The following CCNB2 variants were observed in gnomAD, a reference collection of about 807,000 sequenced individuals.
CCNB2 encodes G2/mitotic-specific cyclin-B2.
CCNB2 carries 39 observed loss-of-function variants against 51.1 expected under a neutral mutation model. The observed-to-expected ratio is 0.76, with a 90% CI of 0.59 to 1.00. The LOEUF (loss-of-function observed/expected upper bound fraction) is 1.00, where lower values mean the gene tolerates loss of function less well. CCNB2 is among the 50% of genes least tolerant of loss of function. CCNB2 has a pLI of 0.00. For synonymous variants in CCNB2, 174 were observed against 165.5 expected (o/e 1.05, Z -0.40); for missense variants, 472 against 470.3 (o/e 1.00, Z -0.03).
Position 59,105,245 on chromosome 15 carries a change from G to T in CCNB2, c.-24G>T. The T allele has an allele frequency of 6.4e-7, 1 of 1,559,674 alleles. No homozygotes were observed. ...CCGCGTCCCTCCCTGGGCCGGGCTG[G>T]CACTCTTGCCTTCCCCGTCCCTCAT... On this transcript the variant is annotated 5_prime_UTR_variant, in exon 1 of 9. Coordinates refer to ENST00000288207, the MANE Select transcript of CCNB2 (RefSeq NM_004701.4).
intron 8 of CCNB2, 63 bp downstream of exon 8, chr15:59,123,690 G>C (rs1278931888): frequency 1.3e-6 from 1 of 777,834 alleles, no homozygotes; most frequent in Non-Finnish European, 2.1e-6. Flanking sequence ...TGTGTATGTT[G>C]GGCGGGGGGG....
At chr15:59,119,460 C>CAAAAAAAA (rs370628686) in intron 7 of CCNB2, among the ~76,000 whole-genome samples, 7 of 83,914 alleles carry the variant, frequency 8.3e-5, no homozygotes, top group South Asian at 4.3e-4. Context: ...ACCCTGTCTC[C>CAAAAAAAA]AAAAAAAAAA....
chr15:59,117,587 G>C (rs773866119), intron 7 of CCNB2, among the ~76,000 whole-genome samples: 5 of 152,116 alleles, frequency 3.3e-5, no homozygotes, highest in Non-Finnish European at 5.9e-5. Context: ...TCCTACCTCA[G>C]CCTCCCGAGT....
intron 8 of CCNB2, chr15:59,124,337 C>T (rs2079316180): frequency 4.9e-6 from 1 of 205,134 alleles, no homozygotes. Flanking sequence ...GTGTTCAGTC[C>T]TGAGAGGACT....
intron 3 of CCNB2, among the ~76,000 whole-genome samples, chr15:59,110,093 T>TC (rs2079252159): frequency 6.6e-6 from 1 of 152,090 alleles, no homozygotes; most frequent in Non-Finnish European, 1.5e-5. Context: ...CTTTTTTTTT[T>TC]CTTTTTTTAA....
chr15:59,117,492 A>C, intron 7 of CCNB2, 124 bp downstream of exon 7: 3 of 1,006,220 alleles, frequency 3.0e-6, no homozygotes, highest in Non-Finnish European at 4.4e-6. Context: ...TTTTTGAGAC[A>C]GGGTCTCATT....
At chr15:59,107,510 C>T (rs374923143) in intron 2 of CCNB2, 47 bp from the exon 3 acceptor site, 3 of 1,613,428 alleles carry the variant, frequency 1.9e-6, no homozygotes, top group Admixed American at 1.7e-5. Context: ...TGCTGAGTCC[C>T]ACAACGCTGG....
At chr15:59,106,605 T>A (rs1054644710) in intron 1 of CCNB2, among the ~76,000 whole-genome samples, 1 of 152,254 alleles carries the variant, frequency 6.6e-6, no homozygotes, top group South Asian at 2.1e-4. Context: ...AAGCACATTA[T>A]GTCTAAAGCA....
At chr15:59,116,025 C>G (rs1448276574) in intron 5 of CCNB2, 3 of 152,082 alleles carry the variant, frequency 2.0e-5, no homozygotes, top group Admixed American at 1.3e-4. Context: ...AGCCACTGTG[C>G]CCATCCGTGG....
At chr15:59,107,827 T>C (rs2079242305) in intron 3 of CCNB2, among the ~76,000 whole-genome samples, 157 bp downstream of exon 3, 1 of 152,186 alleles carries the variant, frequency 6.6e-6, no homozygotes, top group African/African-American at 2.4e-5. Flanking sequence ...ATACACCTTT[T>C]AACTTAATAA....
chr15:59,105,248 C>T lies in CCNB2; in HGVS notation c.-21C>T. ...CGTCCCTCCCTGGGCCGGGCTGGCACTCTTGCCTTCCCCGTCCCTCATGGC... is the reference window on the plus strand; with the variant it reads ...CGTCCCTCCCTGGGCCGGGCTGGCATTCTTGCCTTCCCCGTCCCTCATGGC... On this transcript the variant is annotated 5_prime_UTR_variant, in exon 1 of 9. Coordinates refer to ENST00000288207, the MANE Select transcript of CCNB2 (RefSeq NM_004701.4). 1.3e-6 allele frequency: 2 copies of T among 1,562,150 alleles called. No individual in the cohort carries two copies. The highest frequency in any genetic ancestry group is 1.7e-4 in the Middle Eastern group (1 of 6,002).
At chr15:59,113,801 T>C (rs28383522) in intron 3 of CCNB2, among the ~76,000 whole-genome samples, 44,136 of 151,990 alleles carry the variant, frequency 0.29, 6,470 homozygotes, top group East Asian at 0.43. Flanking sequence ...TCTTGGCTCA[T>C]TGCAACCTCT....
intron 3 of CCNB2, 101 bp downstream of exon 3, chr15:59,107,771 C>A: frequency 1.2e-6 from 1 of 810,864 alleles, no homozygotes; most frequent in Non-Finnish European, 2.0e-6. Context: ...AACGAACATT[C>A]ATAGCTGGAG....
chr15:59,122,415 G>A (rs1209888048), intron 7 of CCNB2, among the ~76,000 whole-genome samples: 1 of 151,532 alleles, frequency 6.6e-6, no homozygotes, highest in African/African-American at 2.4e-5. Flanking sequence ...AGTAGAGATG[G>A]GGTTTCACCA....
chr15:59,123,477 C>A, intron 7 of CCNB2, 40 bp from the exon 8 acceptor site: 1 of 1,177,660 alleles, frequency 8.5e-7, no homozygotes, highest in Non-Finnish European at 1.3e-6. Context: ...TTTTCTCTTG[C>A]CCCTCAGTCA....
At position 59,113,621 on chromosome 15, in the gene CCNB2, C is replaced by T. The variant is rs889046746; in HGVS notation, c.268-823C>T. Among the ~76,000 whole-genome samples the T allele has an allele frequency of 6.6e-5, 10 of 151,990 alleles. 1 individual carries two copies. The highest frequency in any genetic ancestry group is 6.6e-4 in the Admixed American group (10 of 15,260). On this transcript the variant is annotated intron_variant, in intron 3 of 8. Coordinates refer to ENST00000288207, the MANE Select transcript of CCNB2 (RefSeq NM_004701.4). ...CTTTATGAGAAAAAACAGAATAATA[C>T]ACATATTAACTATAGAATTTTAGAA...
At position 59,117,286 on chromosome 15, in the gene CCNB2, A is replaced by G. The variant is rs752279669; in HGVS notation, c.893A>G (p.Tyr298Cys). ...KYLMELTLID[Y>C]DMVHYHPSKV... The stretch of plus-strand genomic sequence containing the variant: ...TTGATGGAGCTGACTCTCATCGACT[A>G]TGATATGGTGCATTATCATCCTTCT... The change falls in exon 7 of 9, where the codon TAT becomes TGT. Residue 298 changes from tyrosine to cysteine, a missense_variant. By Grantham distance (194) the Tyr-to-Cys change is radical. Coordinates refer to ENST00000288207, the MANE Select transcript of CCNB2 (RefSeq NM_004701.4). 2 of 1,613,768 alleles carry G rather than the reference A, an allele frequency of 1.2e-6. No homozygotes were observed. The highest frequency in any genetic ancestry group is 1.1e-5 in the South Asian group (1 of 91,056).
rs2079316120 is a variant in CCNB2, at chr15:59,124,328, T to C, written c.1087-439T>C. On this transcript the variant is annotated intron_variant, in intron 8 of 8. Transcript: ENST00000288207. ...ATTTGCTTCATGGAAGTGTAATATG[T>C]GTTCAGTCCTGAGAGGACTGTCTGG... is the stretch of plus-strand genomic sequence containing the variant. 11 of 177,992 alleles carry C rather than the reference T, an allele frequency of 6.2e-5. No individual in the cohort carries two copies. The South Asian group carries it at 1.3e-3, about 21-fold the overall frequency. 11.0% of individuals were successfully genotyped at this position (177,992 alleles called of 1,614,324 possible). A position where few individuals can be genotyped will look rare whatever the true frequency, so the allele number is the denominator to read the frequency against.
In CCNB2 at chr15:59,107,421, G is replaced by T; in HGVS notation, c.124G>T (p.Val42Phe). The T allele has an allele frequency of 6.2e-7, 1 of 1,613,738 alleles. No homozygotes were observed. The highest frequency in any genetic ancestry group is 1.3e-5 in the African/African-American group (1 of 74,928). ...RTVLEEIGNRVTTRAAQVAKK... is the reference protein window; with the variant it reads ...RTVLEEIGNRFTTRAAQVAKK... ...TGTTTTAGAAGAAATTGGAAATAGA[G>T]TTACAACCAGAGCAGCACAAGTAGC... The change falls in exon 2 of 9, where the codon GTT (valine) becomes TTT (phenylalanine). Residue 42 changes from valine (V) to phenylalanine (F), a missense_variant. Coordinates refer to ENST00000288207, the MANE Select transcript of CCNB2 (RefSeq NM_004701.4).
Sources: gnomAD v4.1 joint callset for allele counts (sites outside exome capture counted in the v4.1 genomes callset) on GRCh38, gnomAD v4.1.1 for gene constraint, MANE v1.5 for transcripts, NCBI Gene and HGNC (gene_info 2026-07-23, HGNC 2026-07-21) for gene names.